CACNB1: variants seen among roughly 807,000 people sequenced by gnomAD.
The protein encoded by CACNB1 is calcium voltage-gated channel auxiliary subunit beta 1, also known as voltage-dependent L-type calcium channel subunit beta-1.
In CACNB1, 29 loss-of-function variants were observed where a neutral mutation model predicts 71.6. The ratio of observed to expected loss-of-function variants is 0.40; its 90% CI spans 0.30 to 0.55. The LOEUF (loss-of-function observed/expected upper bound fraction) is 0.55. Ranked by LOEUF, CACNB1 falls within the 20% of genes least tolerant of loss-of-function variation. The pLI is 0.38. For synonymous variants in CACNB1, 300 were observed against 319.6 expected (o/e 0.94, Z 0.65); for missense variants, 623 against 801.8 (o/e 0.78, Z 2.69).
rs1725595927 is a variant in CACNB1 at position 39,194,671 on chromosome 17, G to A, written c.171+213C>T. 6.6e-6 allele frequency among the ~76,000 whole-genome samples: 1 copy of A among 152,064 alleles called. No individual in the cohort carries two copies. The highest frequency in any genetic ancestry group is 2.4e-5 in the African/African-American group (1 of 41,384). ...AGCAGGGGAGGGTGCCTGGTGCTGG[G>A]GGAGGGGCCGGGCAGGGGCGGGGGC... On this transcript the variant is annotated intron_variant, in intron 2 of 13. Coordinates refer to ENST00000394303, the MANE Select transcript of CACNB1 (RefSeq NM_000723.5). This position sits in a 1 kb window ranked among gnomAD's most constrained non-coding sequence, Gnocchi z 4.6.
chr17:39,191,219 G>C (rs1156621404), intron 3 of CACNB1, among the ~76,000 whole-genome samples: 2 of 151,980 alleles, frequency 1.3e-5, no homozygotes, highest in African/African-American at 2.4e-5. Flanking sequence ...ACAAAAAAAA[G>C]AAATTTTTAG....
Position 39,186,895 on chromosome 17 carries a change from A to C in CACNB1, c.449T>G (p.Val150Gly), listed in dbSNP as rs1597705395. The C allele has an allele frequency of 6.2e-7, 1 of 1,614,090 alleles. No individual in the cohort carries two copies. The highest frequency in any genetic ancestry group is 8.5e-7 in the Non-Finnish European group (1 of 1,179,984). Residue 150 changes from valine to glycine, a missense_variant, in exon 5 of 14, where the codon GTG becomes GGG. By Grantham distance (109) the Val-to-Gly change is moderately radical. Coordinates refer to ENST00000394303, the MANE Select transcript of CACNB1 (RefSeq NM_000723.5). The surrounding 1 kb of genome is among the most constrained non-coding windows in gnomAD (Gnocchi z 4.1). ...YNNDWWIGRL[V>G]KEGCEVGFIP... ...GAAGCCAACCTCACAGCCCTCCTTC[A>C]CCAGCCGCCCGATCCACCAGTCATT... is the stretch of plus-strand genomic sequence containing the variant.
rs2045509979 is a variant in CACNB1, at chr17:39,173,494, G to A, written c.*1699C>T. ...GTGTATTTAAGACATTGCACCAGTG[G>A]GTCTGGATCTCACCCACTGAGCAAC... is the stretch of plus-strand genomic sequence containing the variant. On this transcript the variant is annotated 3_prime_UTR_variant, in exon 14 of 14. Coordinates refer to ENST00000394303, the MANE Select transcript of CACNB1 (RefSeq NM_000723.5). The A allele has an allele frequency of 6.6e-6, 1 of 152,310 alleles. No individual in the cohort carries two copies. The highest frequency in any genetic ancestry group is 1.5e-5 in the Non-Finnish European group (1 of 68,038). 9.4% of individuals were successfully genotyped at this position (152,310 alleles called of 1,614,324 possible).
At chr17:39,184,211 A>G (rs2045869393) in intron 9 of CACNB1, 71 bp from the exon 10 acceptor site, 1 of 1,308,196 alleles carries the variant, frequency 7.6e-7, no homozygotes, top group East Asian at 2.3e-5. Context: ...CCCCAGTTCC[A>G]GGCCCGCCTT....
Position 39,186,036 on chromosome 17 carries a change from C to G in CACNB1, c.628+460G>C. 3 of 1,613,978 alleles carry G rather than the reference C, an allele frequency of 1.9e-6. No individual in the cohort carries two copies. The highest frequency in any genetic ancestry group is 2.5e-6 in the Non-Finnish European group (3 of 1,179,942). ...GTCTTGGCAGAGCCACTCTGCTCAC[C>G]AAGCTCAGCCTCTTCCTCCTCTAAC... On this transcript the variant is annotated intron_variant, in intron 6 of 13. Coordinates refer to ENST00000394303, the MANE Select transcript of CACNB1 (RefSeq NM_000723.5). This position sits in a 1 kb window ranked among gnomAD's most constrained non-coding sequence, Gnocchi z 4.1.
At chr17:39,177,889 G>T in intron 12 of CACNB1, 95 bp downstream of exon 12, 1 of 990,972 alleles carries the variant, frequency 1.0e-6, no homozygotes, top group Non-Finnish European at 1.6e-6. Context: ...TGACCCAGGT[G>T]TTCCTGGTCA....
Position 39,177,377 on chromosome 17 carries a change from G to T in CACNB1, c.1305C>A (p.Ala435=). 4 of 1,613,252 alleles carry T rather than the reference G, an allele frequency of 2.5e-6. No individual in the cohort carries two copies. Among genetic ancestry groups the T allele is most frequent in the Non-Finnish European group, 8.5e-7 (1 of 1,179,776 alleles). Residue 435 remains alanine, a synonymous_variant, in exon 13 of 14, where the codon GCC becomes GCA. Transcript: ENST00000394303. The part of the protein sequence containing the change: ...NRTMATAALA[A]SPAPVSNLQG... ...GGAGGTTGGAGACAGGGGCAGGGCT[G>T]GCAGCCAGGGCTGCGGTAGCCATGG...
At chr17:39,195,011 G>A (rs773366669) in intron 1 of CACNB1, 41 bp from the exon 2 acceptor site, 12 of 1,417,024 alleles carry the variant, frequency 8.5e-6, no homozygotes, top group Admixed American at 5.3e-5. Context: ...AATCAGAAGG[G>A]CCCTTTCCCA....
At position 39,175,360 on chromosome 17, in the gene CACNB1, G is replaced by C. The variant is rs759787986; in HGVS notation, c.1630C>G (p.Arg544Gly). The C allele has an allele frequency of 1.2e-6, 2 of 1,613,928 alleles. No individual in the cohort carries two copies. Among genetic ancestry groups the C allele is most frequent in the Admixed American group, 1.7e-5 (1 of 60,004 alleles). ...TCCTCGTCCTCCCAGGATCCCTGTC[G>C]GGCTGGGGGCGTGCCGCCCCCTGCA... ...DPAGGGTPPA[R>G]QGSWEDEEED... Residue 544 changes from arginine to glycine, a missense_variant, in exon 14 of 14, where the codon CGA becomes GGA. Transcript: ENST00000394303. This position sits in a 1 kb window ranked among gnomAD's most constrained non-coding sequence, Gnocchi z 4.7.
At chr17:39,195,335 G>C (rs1166215192) in intron 1 of CACNB1, 3 of 188,318 alleles carry the variant, frequency 1.6e-5, no homozygotes, top group Non-Finnish European at 3.3e-5. Context: ...CCGAGGAAGG[G>C]AGAGGCAGCC....
intron 13 of CACNB1, among the ~76,000 whole-genome samples, chr17:39,176,747 C>T (rs1409559113): frequency 2.0e-5 from 3 of 152,138 alleles, no homozygotes; most frequent in Admixed American, 1.3e-4. Flanking sequence ...GGGAGGAGGG[C>T]AAGGCAGGAT....
rs1194329485 is a variant in CACNB1, at chr17:39,194,929, A to G, written c.126T>C (p.Asp42=). 1.2e-6 allele frequency: 2 copies of G among 1,613,584 alleles called. No individual in the cohort carries two copies. The highest frequency in any genetic ancestry group is 1.7e-5 in the Admixed American group (1 of 59,990). The change falls in exon 2 of 14, where the codon GAT becomes GAC. Residue 42 remains aspartate, a synonymous_variant. Transcript: ENST00000394303. This position sits in a 1 kb window ranked among gnomAD's most constrained non-coding sequence, Gnocchi z 4.6. ...ATGTGGTATCCGAGGACGTGCTCCC[A>G]TCTGACCGTTTGAATCGCCCTTTCC... ...SKRKGRFKRS[D]GSTSSDTTSN...
In CACNB1 at chr17:39,194,595, G is replaced by C. The variant is rs377153268; in HGVS notation, c.171+289C>G. ...GTGGGTGACAGCCCGAAGCAAGCTG[G>C]AGGGAGGCAGGCCAGGCTGTCCCTG... On this transcript the variant is annotated intron_variant, in intron 2 of 13. Coordinates refer to ENST00000394303, the MANE Select transcript of CACNB1 (RefSeq NM_000723.5). The surrounding 1 kb of genome is among the most constrained non-coding windows in gnomAD (Gnocchi z 4.6). 5.4e-4 allele frequency among the ~76,000 whole-genome samples: 82 copies of C among 152,218 alleles called. No homozygotes were observed. The highest frequency in any genetic ancestry group is 1.1e-3 in the Non-Finnish European group (74 of 68,000).
chr17:39,193,417 C>A (rs2046133214), intron 2 of CACNB1: 1 of 438,746 alleles, frequency 2.3e-6, no homozygotes, highest in Non-Finnish European at 4.6e-6. Context: ...GGCTGTTCTA[C>A]CCGCTGCCAC....
chr17:39,177,342 A>G lies in CACNB1; in HGVS notation c.1332+8T>C. The stretch of plus-strand genomic sequence containing the variant: ...GAGGTTTCTCCTGAGCGAGGTGAGC[A>G]CCTGTACCTGGAGGTTGGAGACAGG... On this transcript the variant is annotated splice_region_variant and intron_variant, in intron 13 of 13. Coordinates refer to ENST00000394303, the MANE Select transcript of CACNB1 (RefSeq NM_000723.5). 6.2e-7 allele frequency: 1 copy of G among 1,612,890 alleles called. No homozygotes were observed. Among genetic ancestry groups the G allele is most frequent in the Non-Finnish European group, 8.5e-7 (1 of 1,179,554 alleles).
At chr17:39,180,514 G>T (rs2045726348) in intron 11 of CACNB1, among the ~76,000 whole-genome samples, 2 of 151,836 alleles carry the variant, frequency 1.3e-5, no homozygotes, top group African/African-American at 4.8e-5. Context: ...AATTAGCCAG[G>T]TGTGGTGGTG....
chr17:39,185,168 CAAGAGAGGGAAGGGGGAG>C lies in CACNB1; in HGVS notation c.629-36_629-19del, dbSNP rs2045902696. ...CTGTTTGGCTGGGTCCAGAGATTGCCAAGAGAGGGAAGGGGGAGGAGAGAGGGAAGGGGACCCAGGCAG... is the reference window on the plus strand; with the variant it reads ...CTGTTTGGCTGGGTCCAGAGATTGCCGAGAGAGGGAAGGGGACCCAGGCAG... On this transcript the variant is annotated intron_variant, in intron 6 of 13. Transcript: ENST00000394303. 1.9e-6 allele frequency: 3 copies of C among 1,611,994 alleles called. No individual in the cohort carries two copies. The African/African-American group carries it at 4.0e-5, about 22-fold the overall frequency.
intron 2 of CACNB1, chr17:39,193,470 C>T (rs1252198422): frequency 1.1e-5 from 5 of 453,706 alleles, no homozygotes; most frequent in African/African-American, 4.0e-5. Flanking sequence ...TCCGGCTGGG[C>T]GCCTCCATCC....
Position 39,187,612 on chromosome 17 carries a change from C to G in CACNB1, c.292-11G>C. On this transcript the variant is annotated splice_polypyrimidine_tract_variant and intron_variant, in intron 3 of 13. Coordinates refer to ENST00000394303, the MANE Select transcript of CACNB1 (RefSeq NM_000723.5). ...TGCCACTGGCTTGGTCTAGAGGAGGCACACAGGGGAGGATGGCAACTAGAG... is the reference window on the plus strand; with the variant it reads ...TGCCACTGGCTTGGTCTAGAGGAGGGACACAGGGGAGGATGGCAACTAGAG... 1 of 1,614,126 alleles carries G rather than the reference C, an allele frequency of 6.2e-7. No homozygotes were observed. The highest frequency in any genetic ancestry group is 8.5e-7 in the Non-Finnish European group (1 of 1,179,970).
Sources: allele counts gnomAD v4.1 joint callset (sites outside exome capture counted in the v4.1 genomes callset), GRCh38; gene constraint gnomAD v4.1.1; non-coding constraint Gnocchi (gnomAD v3.1); transcripts MANE v1.5; gene names NCBI Gene and HGNC (gene_info 2026-07-23, HGNC 2026-07-21).